CAPZB: variants seen among roughly 807,000 people sequenced by gnomAD.
CAPZB encodes capping actin protein of muscle Z-line subunit beta.
In CAPZB, 2 loss-of-function variants were observed where a neutral mutation model predicts 38.1. The ratio of observed to expected loss-of-function variants is 0.05; its 90% CI spans 0.02 to 0.17. CAPZB has a LOEUF of 0.17. CAPZB is among the 10% of genes least tolerant of loss of function. CAPZB has a pLI of 1.00. For synonymous variants in CAPZB, 107 were observed against 127.4 expected (o/e 0.84, Z 1.08); for missense variants, 161 against 334.2 (o/e 0.48, Z 4.04).
intron 1 of CAPZB, among the ~76,000 whole-genome samples, chr1:19,433,052 T>C (rs2094447470): frequency 6.6e-6 from 1 of 152,246 alleles, no homozygotes; most frequent in Non-Finnish European, 1.5e-5. Flanking sequence ...GACGGTTTCC[T>C]GGACCCCTTG....
In CAPZB at chr1:19,403,100, T is replaced by C. The variant is rs138382802; in HGVS notation, c.93+16561A>G. Among the ~76,000 whole-genome samples, 1,143 of 152,216 alleles carry C rather than the reference T, an allele frequency of 7.5e-3. 15 individuals are homozygous for C. Among genetic ancestry groups the C allele is most frequent in the African/African-American group, 0.025 (1,058 of 41,552 alleles). On this transcript the variant is annotated intron_variant, in intron 2 of 8. Coordinates refer to ENST00000264202, the MANE Select transcript of CAPZB (RefSeq NM_004930.5). ...CTTGCATTCTATCCATCCTGGGTTA[T>C]CTGGCTCCCACCGTGGCTATGAGCT...
chr1:19,482,317 T>C (rs1244289058), intron 1 of CAPZB, among the ~76,000 whole-genome samples: 2 of 152,226 alleles, frequency 1.3e-5, no homozygotes, highest in African/African-American at 4.8e-5. Flanking sequence ...ACAAGAGGGA[T>C]GTGAGTTGAA....
At chr1:19,417,446 C>G (rs2094384960) in intron 2 of CAPZB, among the ~76,000 whole-genome samples, 1 of 152,194 alleles carries the variant, frequency 6.6e-6, no homozygotes. Flanking sequence ...ACACCTTCAA[C>G]TTTTGCCCAC....
intron 8 of CAPZB, among the ~76,000 whole-genome samples, chr1:19,339,857 G>A (rs1175753547): frequency 2.6e-5 from 4 of 152,226 alleles, no homozygotes; most frequent in Non-Finnish European, 5.9e-5. Flanking sequence ...TGGCTTACAT[G>A]GACAGGTGCT....
At chr1:19,410,470 T>C (rs368034564) in intron 2 of CAPZB, among the ~76,000 whole-genome samples, 152 of 152,296 alleles carry the variant, frequency 1.0e-3, no homozygotes, top group African/African-American at 3.5e-3. Context: ...ACACACACAA[T>C]GCAAAGTGTG....
intron 1 of CAPZB, among the ~76,000 whole-genome samples, chr1:19,455,076 G>A (rs1011516552): frequency 6.6e-6 from 1 of 152,264 alleles, no homozygotes; most frequent in African/African-American, 2.4e-5. Context: ...TTGGAACCCT[G>A]CAGGCAGCCT....
At chr1:19,478,937 C>T (rs891466249) in intron 1 of CAPZB, among the ~76,000 whole-genome samples, 3 of 152,224 alleles carry the variant, frequency 2.0e-5, no homozygotes, top group African/African-American at 4.8e-5. Flanking sequence ...TGGCCAAGTA[C>T]AGTGGCTCAT....
intron 3 of CAPZB, among the ~76,000 whole-genome samples, chr1:19,381,255 A>G (rs976750061): frequency 6.7e-6 from 1 of 149,978 alleles, no homozygotes; most frequent in African/African-American, 2.5e-5. Context: ...GAATTCTTGC[A>G]CCCCCGCCCC....
In CAPZB at chr1:19,373,072, G is replaced by A. The variant is rs867799482; in HGVS notation, c.329+5468C>T. Among the ~76,000 whole-genome samples, 62 of 152,124 alleles carry A rather than the reference G, an allele frequency of 4.1e-4. 2 individuals are homozygous for A. Among genetic ancestry groups the A allele is most frequent in the Admixed American group, 2.7e-3 (41 of 15,274 alleles). Reference sequence around the variant, plus strand: ...TGGGTAGTGACAGTTACTCTCCTAGGGAAAGTACTACTATGATCTCTTTCT... The same window carrying A: ...TGGGTAGTGACAGTTACTCTCCTAGAGAAAGTACTACTATGATCTCTTTCT... On this transcript the variant is annotated intron_variant, in intron 4 of 8. Coordinates refer to ENST00000264202, the MANE Select transcript of CAPZB (RefSeq NM_004930.5).
chr1:19,431,008 C>T (rs1391480762), intron 1 of CAPZB, among the ~76,000 whole-genome samples: 1 of 152,168 alleles, frequency 6.6e-6, no homozygotes, highest in East Asian at 1.9e-4. Context: ...AACTTTAAAA[C>T]ACAGAATCAA....
At chr1:19,364,003 TTAGTGGGCTGGGCCACA>T (rs763492887) in intron 4 of CAPZB, among the ~76,000 whole-genome samples, 20 of 152,234 alleles carry the variant, frequency 1.3e-4, no homozygotes, top group Non-Finnish European at 2.2e-4. Context: ...CTTCTGGCTA[TTAGTGGGCTGGGCCACA>T]CTCACAGGAC....
Position 19,368,519 on chromosome 1 carries a change from G to A in CAPZB, c.329+10021C>T, listed in dbSNP as rs536657497. 9.3e-5 allele frequency among the ~76,000 whole-genome samples: 14 copies of A among 150,788 alleles called. No homozygotes were observed. The East Asian group carries it at 1.9e-3, about 21-fold the overall frequency. ...GGAAAAAAAAAAAAAAAAAAACGGT[G>A]GAGAGAGTCCGAGTTAAAAAAGGAA... On this transcript the variant is annotated intron_variant, in intron 4 of 8. Coordinates refer to ENST00000264202, the MANE Select transcript of CAPZB (RefSeq NM_004930.5).
intron 8 of CAPZB, 38 bp from the exon 9 acceptor site, chr1:19,339,655 G>A (rs757410435): frequency 3.6e-5 from 54 of 1,506,206 alleles, no homozygotes; most frequent in Non-Finnish European, 1.8e-6. Context: ...AGATTGAACA[G>A]GGACTGGTGA....
intron 1 of CAPZB, chr1:19,449,033 T>A: frequency 1.3e-6 from 2 of 1,510,548 alleles, no homozygotes; most frequent in Non-Finnish European, 1.8e-6. Flanking sequence ...TGCCCGCTCC[T>A]GACTTCTCCC....
chr1:19,350,835 C>G (rs2093987663), intron 6 of CAPZB, among the ~76,000 whole-genome samples: 1 of 152,072 alleles, frequency 6.6e-6, no homozygotes, highest in Admixed American at 6.5e-5. Flanking sequence ...CCAGGCTGGT[C>G]TCAAACTCTC....
chr1:19,452,304 C>T (rs1191978803), intron 1 of CAPZB, among the ~76,000 whole-genome samples: 1 of 152,200 alleles, frequency 6.6e-6, no homozygotes, highest in Non-Finnish European at 1.5e-5. Flanking sequence ...CCTCCAGATG[C>T]CATGACCCCG....
intron 2 of CAPZB, among the ~76,000 whole-genome samples, chr1:19,397,694 CAT>C (rs1385343232): frequency 1.3e-5 from 2 of 152,198 alleles, no homozygotes; most frequent in Non-Finnish European, 2.9e-5. Context: ...TCCATTTCAT[CAT>C]CACTGGATAC....
chr1:19,434,170 G>A (rs1244471612), intron 1 of CAPZB, among the ~76,000 whole-genome samples: 1 of 152,164 alleles, frequency 6.6e-6, no homozygotes, highest in African/African-American at 2.4e-5. Context: ...CAAAGACAGA[G>A]TCCTTGAAGG....
chr1:19,418,364 G>A (rs2094388957), intron 2 of CAPZB, among the ~76,000 whole-genome samples: 1 of 152,052 alleles, frequency 6.6e-6, no homozygotes, highest in Admixed American at 6.5e-5. Context: ...TCACTCGCTG[G>A]CTCCTGGCCG....
Sources: allele counts gnomAD v4.1 joint callset (sites outside exome capture counted in the v4.1 genomes callset), GRCh38; gene constraint gnomAD v4.1.1; transcripts MANE v1.5; gene names NCBI Gene and HGNC (gene_info 2026-07-23, HGNC 2026-07-21).